Variants in FEZ2 observed in about 807,000 individuals in gnomAD.
The protein encoded by FEZ2 is fasciculation and elongation protein zeta 2, also known as fasciculation and elongation protein zeta-2.
FEZ2 carries 51 observed loss-of-function variants against 40.4 expected under a neutral mutation model. That is an observed-to-expected ratio of 1.26 (90% CI 1.01 to 1.59). The LOEUF (loss-of-function observed/expected upper bound fraction) is 1.59. Among genes scored for constraint, FEZ2 ranks in the 40% most tolerant of loss-of-function variants. FEZ2 has a pLI of 0.00. For synonymous variants in FEZ2, 242 were observed against 172.0 expected (o/e 1.41, Z -3.18); for missense variants, 640 against 438.3 (o/e 1.46, Z -4.11).
chr2:36,585,649 A>C (rs1038915062), intron 2 of FEZ2, among the ~76,000 whole-genome samples: 6 of 152,242 alleles, frequency 3.9e-5, no homozygotes, highest in African/African-American at 1.4e-4. Flanking sequence ...TATCCTAAGA[A>C]AAAACCTAAG....
At chr2:36,566,687 A>T (rs1573007008) in intron 5 of FEZ2, among the ~76,000 whole-genome samples, 2 of 152,212 alleles carry the variant, frequency 1.3e-5, no homozygotes, top group Non-Finnish European at 2.9e-5. Flanking sequence ...AGAATCAAGA[A>T]ATTTTTAAAC....
chr2:36,580,093 C>A (rs560245738), intron 4 of FEZ2, among the ~76,000 whole-genome samples: 1 of 152,236 alleles, frequency 6.6e-6, no homozygotes, highest in African/African-American at 2.4e-5. Context: ...TCTCAGACTT[C>A]TGGCCTCCAG....
intron 5 of FEZ2, among the ~76,000 whole-genome samples, chr2:36,568,463 A>G (rs761287561): frequency 6.6e-6 from 1 of 152,236 alleles, no homozygotes; most frequent in Non-Finnish European, 1.5e-5. Context: ...TTAATCTACC[A>G]TTTCCAAGTT....
At chr2:36,554,379 C>T (rs1572996710) in intron 7 of FEZ2, 1 of 463,786 alleles carries the variant, frequency 2.2e-6, no homozygotes, top group Non-Finnish European at 4.5e-6. Flanking sequence ...GCTTCAGAAG[C>T]TCATTCTATC....
chr2:36,593,103 A>T (rs2148352470), intron 1 of FEZ2, among the ~76,000 whole-genome samples: 1 of 152,214 alleles, frequency 6.6e-6, no homozygotes, highest in East Asian at 1.9e-4. Flanking sequence ...TGTATAGTCC[A>T]TTTTCATGCA....
At chr2:36,576,818 T>C (rs190163289) in intron 5 of FEZ2, among the ~76,000 whole-genome samples, 6 of 152,340 alleles carry the variant, frequency 3.9e-5, no homozygotes, top group Non-Finnish European at 7.3e-5. Flanking sequence ...AATTACACAA[T>C]AGATTTACTC....
chr2:36,556,062 T>C (rs1483530600), intron 6 of FEZ2: 1 of 521,382 alleles, frequency 1.9e-6, no homozygotes, highest in Non-Finnish European at 3.8e-6. Context: ...GCCTTCGCTC[T>C]GTAATAATAC....
chr2:36,576,979 G>GT (rs1449473077), intron 5 of FEZ2, among the ~76,000 whole-genome samples: 9 of 152,196 alleles, frequency 5.9e-5, no homozygotes, highest in Non-Finnish European at 7.3e-5. Flanking sequence ...ACCATGCTAT[G>GT]ACTTTTTAAC....
chr2:36,571,057 A>G (rs1286372071), intron 5 of FEZ2, among the ~76,000 whole-genome samples: 3 of 152,206 alleles, frequency 2.0e-5, no homozygotes, highest in Non-Finnish European at 4.4e-5. Flanking sequence ...CTACCACCAA[A>G]AACCATTGCA....
intron 6 of FEZ2, chr2:36,557,738 T>C (rs1284846543): frequency 6.6e-6 from 1 of 152,126 alleles, no homozygotes; most frequent in African/African-American, 2.4e-5. Context: ...AGAGAGTAAG[T>C]AACTTCCAAG....
intron 5 of FEZ2, among the ~76,000 whole-genome samples, chr2:36,561,726 C>T (rs1573002458): frequency 6.6e-6 from 1 of 151,978 alleles, no homozygotes; most frequent in Non-Finnish European, 1.5e-5. Flanking sequence ...GGAAAGGCTT[C>T]GTGAAAAGGA....
rs528059777 is a variant in FEZ2, at chr2:36,597,703, A to T, written c.266+174T>A. On this transcript the variant is annotated intron_variant, in intron 1 of 7. Transcript: ENST00000405912. ...GGCTCGTGGCGGCGGGGGGCAGGGG[A>T]TTTAAATTGCTGGGCGAGCCGAGGC... 5.8e-4 allele frequency among the ~76,000 whole-genome samples: 88 copies of T among 152,026 alleles called. 1 individual carries two copies. The highest frequency in any genetic ancestry group is 2.1e-3 in the African/African-American group (88 of 41,448).
Position 36,553,981 on chromosome 2 carries a change from A to AC in FEZ2, c.1046-803dup, listed in dbSNP as rs537507886. 3.1e-3 allele frequency among the ~76,000 whole-genome samples: 478 copies of AC among 152,242 alleles called. 7 individuals carry two copies. Among genetic ancestry groups the AC allele is most frequent in the African/African-American group, 0.011 (456 of 41,532 alleles). On this transcript the variant is annotated intron_variant, in intron 7 of 7. Coordinates refer to ENST00000405912, the MANE Select transcript of FEZ2 (RefSeq NM_005102.3). ...ACCCGACTTCCCCACCTTCCCACAC[A>AC]CATTTGGGTAAATACATCTCCACAT... is the stretch of plus-strand genomic sequence containing the variant.
chr2:36,586,101 A>C (rs1475110388), intron 2 of FEZ2, among the ~76,000 whole-genome samples: 2 of 152,156 alleles, frequency 1.3e-5, no homozygotes, highest in Admixed American at 6.5e-5. Context: ...TCAAGAGACT[A>C]GGCTCTTGAT....
intron 6 of FEZ2, 29 bp from the exon 7 acceptor site, chr2:36,555,777 A>G: frequency 3.8e-6 from 5 of 1,325,290 alleles, no homozygotes; most frequent in South Asian, 1.3e-5. Flanking sequence ...GAAAAAAGAC[A>G]ACAATTAAAA....
intron 5 of FEZ2, among the ~76,000 whole-genome samples, chr2:36,573,109 T>A (rs907880935): frequency 6.6e-6 from 1 of 152,190 alleles, no homozygotes; most frequent in Non-Finnish European, 1.5e-5. Context: ...TGTAACACAG[T>A]AGAAATTCTC....
intron 5 of FEZ2, among the ~76,000 whole-genome samples, chr2:36,564,349 T>A (rs2125223659): frequency 6.6e-6 from 1 of 152,244 alleles, no homozygotes; most frequent in East Asian, 1.9e-4. Context: ...AACAAAAAAA[T>A]TTAAAAACCG....
At chr2:36,563,561 G>A (rs913371484) in intron 5 of FEZ2, among the ~76,000 whole-genome samples, 3 of 151,160 alleles carry the variant, frequency 2.0e-5, no homozygotes, top group Non-Finnish European at 4.4e-5. Flanking sequence ...CTGAGAACGT[G>A]CTCCTATCAA....
chr2:36,590,782 C>T (rs1004002142), intron 2 of FEZ2, 121 bp downstream of exon 2: 1 of 662,226 alleles, frequency 1.5e-6, no homozygotes, highest in Non-Finnish European at 2.7e-6. Flanking sequence ...GCCACCCAAA[C>T]TGCTATAATT....
Sources: gnomAD v4.1 joint callset for allele counts (sites outside exome capture counted in the v4.1 genomes callset) on GRCh38, gnomAD v4.1.1 for gene constraint, MANE v1.5 for transcripts, NCBI Gene and HGNC (gene_info 2026-07-23, HGNC 2026-07-21) for gene names.